Variants in USH2A observed in about 807,000 individuals in gnomAD.
The protein encoded by USH2A is usherin.
A neutral mutation model predicts 538.9 loss-of-function variants in USH2A; 443 were observed. The ratio of observed to expected loss-of-function variants is 0.82; its 90% CI spans 0.76 to 0.89. USH2A has a LOEUF of 0.89. Ranked by LOEUF, USH2A falls within the 40% of genes least tolerant of loss-of-function variation. The probability of loss-of-function intolerance (pLI) is 0.00; values close to 1 mark genes in which losing one functional copy is unlikely to be tolerated. For synonymous variants in USH2A, 2,413 were observed against 2,273.5 expected (o/e 1.06, Z -1.75); for missense variants, 6,633 against 6,324.8 (o/e 1.05, Z -1.65).
At chr1:215,685,875 G>T (rs1238704149) in intron 61 of USH2A, among the ~76,000 whole-genome samples, 1 of 152,096 alleles carries the variant, frequency 6.6e-6, no homozygotes, top group Non-Finnish European at 1.5e-5. Context: ...AGACAAAAAA[G>T]ACATTTATTT....
intron 35 of USH2A, among the ~76,000 whole-genome samples, chr1:215,991,496 A>C (rs939023108): frequency 2.6e-5 from 4 of 152,202 alleles, no homozygotes; most frequent in African/African-American, 9.6e-5. Context: ...TAAAAAAAAT[A>C]AAACTGCCTT....
chr1:215,831,753 A>G (rs1032214371), intron 47 of USH2A, among the ~76,000 whole-genome samples: 22 of 152,092 alleles, frequency 1.4e-4, no homozygotes, highest in Non-Finnish European at 4.4e-5. Flanking sequence ...GAAAGTTTTC[A>G]TCTTTAAGAA....
At position 215,625,812 on chromosome 1, in the gene USH2A, TC is replaced by T. The variant is rs1553313073; in HGVS notation, c.15577del (p.Glu5193AsnfsTer40). ...GTGGGTGTCTGTGAATGTGGTGCGT[TC>T]CTTAGTCACTGAGCTGAAATCCTTG... ...AIKDFSSVTKERTTFTDTHL is the reference protein window; with the variant it reads ...AIKDFSSVTKXRTTFTDTHL On this transcript the variant is annotated frameshift_variant, in exon 72 of 72. Coordinates refer to ENST00000307340, the MANE Select transcript of USH2A (RefSeq NM_206933.4). LOFTEE classifies it high-confidence loss of function. 1.2e-6 allele frequency: 2 copies of T among 1,614,118 alleles called. No homozygotes were observed. Among genetic ancestry groups the T allele is most frequent in the Non-Finnish European group, 1.7e-6 (2 of 1,179,974 alleles).
intron 55 of USH2A, among the ~76,000 whole-genome samples, chr1:215,774,554 A>C (rs374025215): frequency 2.6e-5 from 4 of 152,180 alleles, no homozygotes; most frequent in African/African-American, 9.6e-5. Context: ...ATTTTAATAA[A>C]TACTTTTCCT....
intron 64 of USH2A, among the ~76,000 whole-genome samples, chr1:215,658,933 C>A (rs1657353580): frequency 6.6e-6 from 1 of 152,162 alleles, no homozygotes; most frequent in Admixed American, 6.5e-5. Flanking sequence ...TTGTGATTAA[C>A]ATCTCCGTGA....
At chr1:215,653,352 G>A (rs1657139717) in intron 64 of USH2A, among the ~76,000 whole-genome samples, 1 of 152,170 alleles carries the variant, frequency 6.6e-6, no homozygotes, top group African/African-American at 2.4e-5. Flanking sequence ...GGGAATGTAT[G>A]CAGGCTATTT....
intron 43 of USH2A, among the ~76,000 whole-genome samples, chr1:215,876,235 G>T (rs1441403292): frequency 6.6e-6 from 1 of 152,064 alleles, no homozygotes; most frequent in African/African-American, 2.4e-5. Context: ...AAGCAACATG[G>T]ATCTGCTAGT....
intron 20 of USH2A, among the ~76,000 whole-genome samples, chr1:216,186,860 T>C (rs543816744): frequency 1.3e-5 from 2 of 152,014 alleles, no homozygotes; most frequent in Non-Finnish European, 2.9e-5. Flanking sequence ...TCCAGGTCTG[T>C]CTTCCTTGAA....
At chr1:215,679,728 G>A (rs1266957621) in intron 62 of USH2A, among the ~76,000 whole-genome samples, 1 of 152,198 alleles carries the variant, frequency 6.6e-6, no homozygotes. Context: ...AATTAGGCAA[G>A]TCTTAAGCAA....
intron 47 of USH2A, among the ~76,000 whole-genome samples, chr1:215,819,051 T>C (rs1662936438): frequency 6.6e-6 from 1 of 151,860 alleles, no homozygotes; most frequent in Non-Finnish European, 1.5e-5. Flanking sequence ...GATTCTAGAA[T>C]TTCTAGCCAT....
At chr1:215,649,082 G>T (rs1244042780) in intron 65 of USH2A, among the ~76,000 whole-genome samples, 1 of 152,166 alleles carries the variant, frequency 6.6e-6, no homozygotes, top group African/African-American at 2.4e-5. Flanking sequence ...AACACACAAA[G>T]TGTTGATCAA....
intron 30 of USH2A, among the ~76,000 whole-genome samples, chr1:216,058,773 C>T (rs1220960578): frequency 6.6e-6 from 1 of 151,962 alleles, no homozygotes; most frequent in Non-Finnish European, 1.5e-5. Context: ...CAACTCAGCA[C>T]AAAAAAATAT....
Position 216,073,238 on chromosome 1 carries a change from C to T in USH2A, c.5635G>A (p.Val1879Met), listed in dbSNP as rs1189212681. 1 of 1,613,928 alleles carries T rather than the reference C, an allele frequency of 6.2e-7. No homozygotes were observed. Residue 1879 changes from valine (V) to methionine (M), a missense_variant, in exon 28 of 72, where the codon GTG (valine) becomes ATG (methionine). Physicochemically the swap from Val to Met is conservative, Grantham distance 21. Transcript: ENST00000307340. ...TTGACTCTGACAGCACCGCTGGACA[C>T]AGATGCCAAGTTAACGACAGCACCC... ...TRGAVVNLAS[V>M]SSGAVRVNLD...
intron 37 of USH2A, among the ~76,000 whole-genome samples, chr1:215,959,778 G>A (rs531430167): frequency 1.3e-5 from 2 of 152,232 alleles, no homozygotes; most frequent in Non-Finnish European, 2.9e-5. Flanking sequence ...CTGCAATCCA[G>A]TTTTTCAGAG....
At chr1:215,973,038 A>T (rs1667533078) in intron 35 of USH2A, among the ~76,000 whole-genome samples, 1 of 152,198 alleles carries the variant, frequency 6.6e-6, no homozygotes, top group African/African-American at 2.4e-5. Flanking sequence ...AAAAATTCTT[A>T]CATGTCAGGC....
chr1:216,284,492 A>G (rs1263060143), intron 11 of USH2A, among the ~76,000 whole-genome samples: 1 of 152,206 alleles, frequency 6.6e-6, no homozygotes, highest in Non-Finnish European at 1.5e-5. Flanking sequence ...CTGAGGAACT[A>G]TAAGTCAATT....
rs1275286461 is a variant in USH2A at position 215,640,576 on chromosome 1, G to T, written c.14950C>A (p.Pro4984Thr). Residue 4984 changes from proline to threonine, a missense_variant, in exon 68 of 72, where the codon CCG becomes ACG. Pro to Thr is a conservative substitution (Grantham distance 38). Transcript: ENST00000307340. The stretch of plus-strand genomic sequence containing the variant: ...AACTAACTTTTGTCCGCCGTTCTCG[G>T]TATGTAGAGGGTGGTGTCCAAGCCG... ...YSGLDTTLYI[P>T]RTADKTFFFQ... 3 of 1,613,906 alleles carry T rather than the reference G, an allele frequency of 1.9e-6. No homozygotes were observed.
chr1:215,701,294 G>A (rs1659007679), intron 61 of USH2A, among the ~76,000 whole-genome samples: 1 of 152,182 alleles, frequency 6.6e-6, no homozygotes, highest in Admixed American at 6.5e-5. Context: ...ATTTGGGGTG[G>A]AGAATTCTGT....
chr1:216,400,211 A>G (rs572923119), intron 3 of USH2A, among the ~76,000 whole-genome samples: 1 of 71,484 alleles, frequency 1.4e-5, no homozygotes, highest in Non-Finnish European at 2.6e-5. Context: ...GCATAGAAAT[A>G]GAAGTTATAT....
Sources: allele counts gnomAD v4.1 joint callset (sites outside exome capture counted in the v4.1 genomes callset), GRCh38; gene constraint gnomAD v4.1.1; transcripts MANE v1.5; gene names NCBI Gene and HGNC (gene_info 2026-07-23, HGNC 2026-07-21).